IL1RAPL2: variants seen among roughly 807,000 people sequenced by gnomAD.
IL1RAPL2 encodes X-linked interleukin-1 receptor accessory protein-like 2.
A neutral mutation model predicts 44.1 loss-of-function variants in IL1RAPL2; 3 were observed. The observed-to-expected ratio is 0.07, with a 90% confidence interval of 0.03 to 0.18. The LOEUF (loss-of-function observed/expected upper bound fraction) is 0.18, where lower values mean the gene tolerates loss of function less well. Ranked by LOEUF, IL1RAPL2 falls within the 10% of genes least tolerant of loss-of-function variation. The pLI is 1.00. For synonymous variants in IL1RAPL2, 181 were observed against 178.8 expected, an observed-to-expected ratio of 1.01 and a Z score of -0.10; for missense variants, 391 against 496.4, an observed-to-expected ratio of 0.79 and a Z score of 2.02.
intron 5 of IL1RAPL2, among the ~76,000 whole-genome samples, chrX:105,420,780 A>T (rs2035768560): frequency 9.0e-6 from 1 of 111,266 alleles, no homozygotes; most frequent in African/African-American, 3.3e-5. Context: ...AAGTGTGAGA[A>T]ATTTGACTGA....
At chrX:105,622,990 G>A (rs933295277) in intron 6 of IL1RAPL2, among the ~76,000 whole-genome samples, 2 of 110,872 alleles carry the variant, frequency 1.8e-5, no homozygotes, top group African/African-American at 6.5e-5. Context: ...CCTAGTTCAA[G>A]TACTGGTTGC....
intron 4 of IL1RAPL2, among the ~76,000 whole-genome samples, chrX:105,262,617 CA>C (rs1175190176): frequency 9.0e-6 from 1 of 110,905 alleles, no homozygotes; most frequent in East Asian, 2.8e-4. Context: ...GTAGCATGCT[CA>C]AAAACATACT....
intron 2 of IL1RAPL2, among the ~76,000 whole-genome samples, chrX:104,931,809 T>C (rs1924905712): frequency 9.1e-6 from 1 of 109,950 alleles, no homozygotes; most frequent in Non-Finnish European, 1.9e-5. Context: ...AGCAGTCCTA[T>C]GCTAAATTAA....
intron 2 of IL1RAPL2, among the ~76,000 whole-genome samples, chrX:104,687,394 T>A (rs377663314): frequency 9.0e-6 from 1 of 110,716 alleles, no homozygotes; most frequent in African/African-American, 3.3e-5. Flanking sequence ...CAGGCTCTTT[T>A]TTAACAATCA....
At chrX:105,321,206 G>A (rs1327951224) in intron 5 of IL1RAPL2, among the ~76,000 whole-genome samples, 7 of 111,365 alleles carry the variant, frequency 6.3e-5, no homozygotes, top group Non-Finnish European at 1.1e-4. Flanking sequence ...AAGCACCCTT[G>A]GTGATCCTCA....
At chrX:104,903,194 T>A (rs1389327819) in intron 2 of IL1RAPL2, among the ~76,000 whole-genome samples, 1 of 111,864 alleles carries the variant, frequency 8.9e-6, no homozygotes, top group African/African-American at 3.2e-5. Context: ...ATTTTGAGGG[T>A]TCTAATTTAG....
At chrX:105,266,164 C>A (rs2034400940) in intron 4 of IL1RAPL2, among the ~76,000 whole-genome samples, 1 of 109,795 alleles carries the variant, frequency 9.1e-6, no homozygotes, top group Admixed American at 9.8e-5. Context: ...GCCTCAGCCT[C>A]TCAAGTAGCT....
intron 2 of IL1RAPL2, among the ~76,000 whole-genome samples, chrX:104,852,979 G>A (rs1173357513): frequency 1.8e-5 from 2 of 111,442 alleles, no homozygotes; most frequent in Non-Finnish European, 3.8e-5. Flanking sequence ...GTATGAGCAG[G>A]GTACAAACAT....
At chrX:105,306,673 C>T (rs757280276) in intron 5 of IL1RAPL2, among the ~76,000 whole-genome samples, 4 of 111,115 alleles carry the variant, frequency 3.6e-5, no homozygotes, top group East Asian at 2.8e-4. Context: ...ACAATTTAAA[C>T]GAAGATTGTG....
chrX:105,513,193 A>G (rs1215437986), intron 6 of IL1RAPL2, among the ~76,000 whole-genome samples: 1 of 111,596 alleles, frequency 9.0e-6, no homozygotes, highest in Non-Finnish European at 1.9e-5. Context: ...GTTGGTTCCA[A>G]GTCTTTGCTA....
intron 2 of IL1RAPL2, among the ~76,000 whole-genome samples, chrX:105,025,986 C>A (rs918919167): frequency 1.5e-4 from 17 of 110,686 alleles, no homozygotes; most frequent in Non-Finnish European, 1.9e-5. Flanking sequence ...ATGAAGATAA[C>A]AACATTTTGA....
chrX:104,685,543 C>T (rs1309680942), intron 2 of IL1RAPL2, among the ~76,000 whole-genome samples: 3 of 111,181 alleles, frequency 2.7e-5, no homozygotes, highest in Non-Finnish European at 5.7e-5. Flanking sequence ...ATCATCAGTA[C>T]TTCTTCTCTA....
intron 2 of IL1RAPL2, among the ~76,000 whole-genome samples, chrX:104,858,108 C>A (rs1210865164): frequency 9.0e-6 from 1 of 110,536 alleles, no homozygotes; most frequent in East Asian, 2.8e-4. Flanking sequence ...GATAACAAGG[C>A]CATGTGTTGG....
intron 2 of IL1RAPL2, among the ~76,000 whole-genome samples, chrX:105,068,681 C>T (rs1006281157): frequency 3.1e-4 from 34 of 111,470 alleles, no homozygotes; most frequent in South Asian, 7.5e-4. Flanking sequence ...TAGGCATTGT[C>T]GGGTAGCATC....
At chrX:105,396,384 G>GT (rs2035562824) in intron 5 of IL1RAPL2, among the ~76,000 whole-genome samples, 1 of 105,952 alleles carries the variant, frequency 9.4e-6, no homozygotes, top group African/African-American at 3.4e-5. Context: ...TTTTTAAACA[G>GT]TTGTCTCCTT....
intron 5 of IL1RAPL2, among the ~76,000 whole-genome samples, chrX:105,449,963 C>A (rs1258128624): frequency 8.9e-6 from 1 of 111,819 alleles, no homozygotes; most frequent in Non-Finnish European, 1.9e-5. Context: ...TCATCCAAGG[C>A]CCTTCCCTTT....
intron 5 of IL1RAPL2, among the ~76,000 whole-genome samples, chrX:105,357,475 A>C (rs189155572): frequency 8.9e-6 from 1 of 111,848 alleles, no homozygotes; most frequent in African/African-American, 3.2e-5. Context: ...ATATTATTGC[A>C]CACAAATTTT....
intron 2 of IL1RAPL2, among the ~76,000 whole-genome samples, chrX:104,760,032 G>T (rs987955408): frequency 1.8e-5 from 2 of 111,766 alleles, no homozygotes; most frequent in Non-Finnish European, 3.8e-5. Context: ...CCACAAATAA[G>T]TGAGAACCTG....
intron 2 of IL1RAPL2, among the ~76,000 whole-genome samples, chrX:105,015,925 T>C (rs147360826): frequency 0.036 from 4,018 of 111,713 alleles, 87 homozygotes; most frequent in Middle Eastern, 0.064. Context: ...TTTCATGATA[T>C]TGATTCTTCC....
Sources: gnomAD v4.1 joint callset for allele counts (sites outside exome capture counted in the v4.1 genomes callset) on GRCh38, gnomAD v4.1.1 for gene constraint, MANE v1.5 for transcripts, NCBI Gene and HGNC (gene_info 2026-07-23, HGNC 2026-07-21) for gene names.